SCAPER: variants seen among roughly 807,000 people sequenced by gnomAD.
The protein encoded by SCAPER is S phase cyclin A-associated protein in the endoplasmic reticulum.
In SCAPER, 98 loss-of-function variants were observed where a neutral mutation model predicts 182.2. That is an observed-to-expected ratio of 0.54 (90% CI 0.46 to 0.64). SCAPER has a LOEUF of 0.64. Among genes scored for constraint, SCAPER ranks in the 30% least tolerant of loss-of-function variants. SCAPER has a pLI of 0.00. For synonymous variants in SCAPER, 605 were observed against 564.6 expected (o/e 1.07, Z -1.01); for missense variants, 1,432 against 1,690.0 (o/e 0.85, Z 2.68).
chr15:76,679,747 C>CT (rs948033571), intron 20 of SCAPER, among the ~76,000 whole-genome samples: 8 of 109,474 alleles, frequency 7.3e-5, no homozygotes, highest in African/African-American at 2.5e-4. Context: ...TACAAATACT[C>CT]CATCAGTTTT....
At chr15:76,675,830 G>T (rs565640032) in intron 20 of SCAPER, among the ~76,000 whole-genome samples, 10 of 144,916 alleles carry the variant, frequency 6.9e-5, no homozygotes, top group South Asian at 2.2e-4. Context: ...CATGAAACTG[G>T]TTTTTTTTTT....
chr15:76,793,165 T>C, intron 8 of SCAPER: 3 of 995,944 alleles, frequency 3.0e-6, no homozygotes, highest in Non-Finnish European at 4.4e-6. Flanking sequence ...GAATTATTTT[T>C]TATAACACAA....
chr15:76,472,290 G>A (rs1362877429), intron 24 of SCAPER: 6 of 635,856 alleles, frequency 9.4e-6, no homozygotes, highest in East Asian at 7.0e-5. Context: ...TGGCAGGGAG[G>A]GGAATAACCC....
intron 10 of SCAPER, among the ~76,000 whole-genome samples, chr15:76,771,337 G>C (rs187182628): frequency 4.6e-5 from 7 of 152,116 alleles, no homozygotes; most frequent in Admixed American, 3.3e-4. Context: ...CCAACTCCAA[G>C]CAAATGATAG....
intron 5 of SCAPER, among the ~76,000 whole-genome samples, chr15:76,808,761 C>T (rs976461155): frequency 1.3e-5 from 2 of 152,202 alleles, no homozygotes; most frequent in African/African-American, 4.8e-5. Flanking sequence ...ACCTGCCTAT[C>T]TCCAAGAGCA....
chr15:76,558,380 A>T (rs1470243195), intron 23 of SCAPER, among the ~76,000 whole-genome samples: 1 of 152,226 alleles, frequency 6.6e-6, no homozygotes, highest in East Asian at 1.9e-4. Flanking sequence ...GACAACAAGC[A>T]TGTGAAAAAT....
rs181699033 is a variant in SCAPER, at chr15:76,665,207, T to C, written c.2645+446A>G. On this transcript the variant is annotated intron_variant, in intron 21 of 31. Coordinates refer to ENST00000563290, the MANE Select transcript of SCAPER (RefSeq NM_020843.4). ...ACAACTCACTTTCCATTTTAAGATA[T>C]TTCTTGAACTTTTTCTTGTTGTGAC... Among the ~76,000 whole-genome samples, 324 of 152,298 alleles carry C rather than the reference T, an allele frequency of 2.1e-3. 3 individuals carry two copies. The highest frequency in any genetic ancestry group is 3.7e-3 in the Non-Finnish European group (255 of 68,014).
intron 5 of SCAPER, among the ~76,000 whole-genome samples, chr15:76,815,474 G>A (rs979754776): frequency 6.6e-6 from 1 of 152,154 alleles, no homozygotes; most frequent in Non-Finnish European, 1.5e-5. Context: ...GCATTGTTAG[G>A]CAATTTCATC....
At chr15:76,563,650 C>G (rs1414456492) in intron 23 of SCAPER, among the ~76,000 whole-genome samples, 1 of 152,110 alleles carries the variant, frequency 6.6e-6, no homozygotes, top group Non-Finnish European at 1.5e-5. Flanking sequence ...GAGGGACTCC[C>G]CCCCAGTTCA....
chr15:76,784,182 A>G (rs2064395495), intron 8 of SCAPER, among the ~76,000 whole-genome samples: 1 of 152,240 alleles, frequency 6.6e-6, no homozygotes, highest in Non-Finnish European at 1.5e-5. Context: ...CAACTTCAGC[A>G]AAGCCTCAGG....
intron 22 of SCAPER, among the ~76,000 whole-genome samples, chr15:76,590,228 G>C (rs2049003934): frequency 1.3e-5 from 2 of 152,212 alleles, no homozygotes; most frequent in South Asian, 4.1e-4. Context: ...AGTGTGACTA[G>C]ATAGAATGTT....
chr15:76,494,225 T>C (rs111435543), intron 24 of SCAPER, among the ~76,000 whole-genome samples: 1 of 152,358 alleles, frequency 6.6e-6, no homozygotes, highest in African/African-American at 2.4e-5. Context: ...CTGGCTGATC[T>C]GAGCCTTAAA....
At chr15:76,425,161 C>T (rs1173131925) in intron 26 of SCAPER, among the ~76,000 whole-genome samples, 1 of 152,168 alleles carries the variant, frequency 6.6e-6, no homozygotes, top group Non-Finnish European at 1.5e-5. Flanking sequence ...GAATGTTGGC[C>T]TGCCTTGCTA....
chr15:76,771,618 G>T, intron 10 of SCAPER, 124 bp downstream of exon 10: 1 of 670,120 alleles, frequency 1.5e-6, no homozygotes. Flanking sequence ...ATGTTAAAAT[G>T]AAATAAATAT....
chr15:76,816,889 T>TGATCCACC (rs936758727), intron 5 of SCAPER, among the ~76,000 whole-genome samples: 2 of 152,188 alleles, frequency 1.3e-5, no homozygotes, highest in African/African-American at 2.4e-5. Flanking sequence ...CCTGACCTTG[T>TGATCCACC]GATCCACCCG....
chr15:76,743,788 A>C (rs904978742), intron 15 of SCAPER, among the ~76,000 whole-genome samples: 1 of 152,158 alleles, frequency 6.6e-6, no homozygotes, highest in African/African-American at 2.4e-5. Context: ...AAAAAAAACT[A>C]TTCTAAAATT....
intron 26 of SCAPER, among the ~76,000 whole-genome samples, chr15:76,424,277 A>G (rs1184041897): frequency 6.6e-6 from 1 of 152,052 alleles, no homozygotes; most frequent in Non-Finnish European, 1.5e-5. Flanking sequence ...GTCTCTAAGG[A>G]CTTGCTTTAT....
chr15:76,525,339 ATTT>A (rs1326984635), intron 23 of SCAPER, among the ~76,000 whole-genome samples: 1 of 151,774 alleles, frequency 6.6e-6, no homozygotes, highest in African/African-American at 2.4e-5. Flanking sequence ...CTACAGTGTA[ATTT>A]TTTTTCTTTT....
intron 22 of SCAPER, among the ~76,000 whole-genome samples, chr15:76,590,118 T>A (rs1410021530): frequency 6.6e-6 from 1 of 152,184 alleles, no homozygotes; most frequent in South Asian, 2.1e-4. Flanking sequence ...CTGCAGTAGT[T>A]CTTGGAGCAA....
Sources: allele counts gnomAD v4.1 joint callset (sites outside exome capture counted in the v4.1 genomes callset), GRCh38; gene constraint gnomAD v4.1.1; transcripts MANE v1.5; gene names NCBI Gene and HGNC (gene_info 2026-07-23, HGNC 2026-07-21).